FGD4: variants seen among roughly 807,000 people sequenced by gnomAD.
FGD4 encodes the protein FYVE, RhoGEF and PH domain-containing protein 4.
FGD4 carries 42 observed loss-of-function variants against 102.0 expected under a neutral mutation model. The ratio of observed to expected loss-of-function variants is 0.41; its 90% confidence interval spans 0.32 to 0.53. The LOEUF is 0.53. Ranked by LOEUF, FGD4 falls within the 20% of genes least tolerant of loss-of-function variation. The pLI is 0.21. For missense variants in FGD4, 902 were observed against 1,078.2 expected, an observed-to-expected ratio of 0.84 and a Z score of 2.29; for synonymous variants, 380 against 375.7, an observed-to-expected ratio of 1.01 and a Z score of -0.13.
chr12:32,473,899 A>G (rs1178234287), intron 1 of FGD4, among the ~76,000 whole-genome samples: 2 of 152,056 alleles, frequency 1.3e-5, no homozygotes, highest in Non-Finnish European at 2.9e-5. Flanking sequence ...CATCATGGCT[A>G]ACATGGTGAA....
chr12:32,452,143 CT>C (rs1942796880), intron 1 of FGD4, among the ~76,000 whole-genome samples: 1 of 152,100 alleles, frequency 6.6e-6, no homozygotes, highest in African/African-American at 2.4e-5. Context: ...TTTACATTTC[CT>C]TTTGTTAAGT....
rs553427541 is a variant in FGD4, at chr12:32,641,993, C to T, written c.*1460C>T. Reference sequence around the variant, plus strand: ...TCTGCTAGAAATCTACAAGAATGATCCCACTATCTTTAGTATGTAAGGATT... The same window carrying T: ...TCTGCTAGAAATCTACAAGAATGATTCCACTATCTTTAGTATGTAAGGATT... On this transcript the variant is annotated 3_prime_UTR_variant, in exon 17 of 17. Transcript: ENST00000534526. The T allele has an allele frequency of 6.6e-6, 1 of 152,226 alleles. No individual in the cohort carries two copies. Among genetic ancestry groups the T allele is most frequent in the African/African-American group, 2.4e-5 (1 of 41,550 alleles). 9.4% of individuals were successfully genotyped at this position (152,226 alleles called of 1,614,324 possible). A position where few individuals can be genotyped will look rare whatever the true frequency, so the allele number is the denominator to read the frequency against.
chr12:32,488,711 T>A (rs1389523002), intron 1 of FGD4, among the ~76,000 whole-genome samples: 1 of 151,550 alleles, frequency 6.6e-6, no homozygotes, highest in Non-Finnish European at 1.5e-5. Context: ...GAGGCCAAGG[T>A]GGGCGGATCA....
intron 14 of FGD4, 130 bp from the exon 15 acceptor site, chr12:32,633,419 A>T: frequency 1.1e-6 from 1 of 919,934 alleles, no homozygotes; most frequent in Non-Finnish European, 1.7e-6. Flanking sequence ...GTTTATAGGG[A>T]TGTTCCTTTT....
chr12:32,561,070 GTTTTGTTTTTT>G (rs1944519211), intron 1 of FGD4, among the ~76,000 whole-genome samples: 3 of 90,788 alleles, frequency 3.3e-5, no homozygotes, highest in African/African-American at 4.2e-5. Context: ...TCTTTGTTGG[GTTTTGTTTTTT>G]TTTTTTTTTT....
intron 1 of FGD4, among the ~76,000 whole-genome samples, chr12:32,472,027 A>G (rs933369248): frequency 6.6e-6 from 1 of 152,136 alleles, no homozygotes; most frequent in Non-Finnish European, 1.5e-5. Context: ...CAGCCCATAC[A>G]AGTCTCACTC....
chr12:32,554,613 G>A (rs1288631289), intron 1 of FGD4, among the ~76,000 whole-genome samples: 2 of 152,178 alleles, frequency 1.3e-5, no homozygotes, highest in African/African-American at 4.8e-5. Flanking sequence ...AGTAAATAAT[G>A]TAGTTTGTTA....
intron 1 of FGD4, among the ~76,000 whole-genome samples, chr12:32,552,501 C>T (rs4931634): frequency 6.9e-6 from 1 of 143,952 alleles, no homozygotes; most frequent in African/African-American, 2.5e-5. Flanking sequence ...AGGCTTCTCT[C>T]GAACTCCTGA....
chr12:32,551,214 G>A (rs551345616), intron 1 of FGD4, among the ~76,000 whole-genome samples: 2 of 152,318 alleles, frequency 1.3e-5, no homozygotes, highest in African/African-American at 4.8e-5. Flanking sequence ...GCAAATAGGA[G>A]CAGACAGGGC....
chr12:32,495,695 C>CAAAAAAAA lies in FGD4; in HGVS notation c.167-68432_167-68425dup, dbSNP rs766436638. ...TGGGCCACAGAGAGAGACTCTGTTT[C>CAAAAAAAA]AAAAAAAAAAAAAAAAAGAAGCTTT... On this transcript the variant is annotated intron_variant, in intron 1 of 16. Transcript: ENST00000534526. Among the ~76,000 whole-genome samples, 218 of 75,904 alleles carry CAAAAAAAA rather than the reference C, an allele frequency of 2.9e-3. 7 individuals carry two copies. Among genetic ancestry groups the CAAAAAAAA allele is most frequent in the African/African-American group, 8.5e-3 (158 of 18,562 alleles). The allele number at this position is 75,904 out of a possible 152,430, so 49.8% of individuals were successfully genotyped here. A position where few individuals can be genotyped will look rare whatever the true frequency, so the allele number is the denominator to read the frequency against.
At position 32,422,288 on chromosome 12, in the gene FGD4, C is replaced by CTTTTTTTTTTTTTTTTTTTTTTTTTTT. The variant is rs770560590; in HGVS notation, c.166+22331_166+22357dup. 4.6e-4 allele frequency among the ~76,000 whole-genome samples: 25 copies of CTTTTTTTTTTTTTTTTTTTTTTTTTTT among 54,174 alleles called. 3 individuals carry two copies. The highest frequency in any genetic ancestry group is 0.017 in the Middle Eastern group (1 of 58). 35.5% of individuals were successfully genotyped at this position (54,174 alleles called of 152,430 possible). A position where few individuals can be genotyped will look rare whatever the true frequency, so the allele number is the denominator to read the frequency against. ...TTGAAGCATCTCAAATTGGGAGCTG[C>CTTTTTTTTTTTTTTTTTTTTTTTTTTT]TTTTTTTTTTTTTTTTTTTTTTTTT... On this transcript the variant is annotated intron_variant, in intron 1 of 16. Transcript: ENST00000534526.
chr12:32,509,703 A>G (rs1411819744), intron 1 of FGD4, among the ~76,000 whole-genome samples: 2 of 152,172 alleles, frequency 1.3e-5, no homozygotes, highest in African/African-American at 4.8e-5. Context: ...GATGTATAGA[A>G]ACAACACAAA....
At chr12:32,535,829 C>CAGG (rs1942199748) in intron 1 of FGD4, among the ~76,000 whole-genome samples, 1 of 152,072 alleles carries the variant, frequency 6.6e-6, no homozygotes, top group Non-Finnish European at 1.5e-5. Context: ...ATTTCTAGAA[C>CAGG]AGGAAGATGA....
intron 1 of FGD4, among the ~76,000 whole-genome samples, chr12:32,423,969 C>G (rs1941743156): frequency 6.6e-6 from 1 of 151,704 alleles, no homozygotes; most frequent in South Asian, 2.1e-4. Context: ...AAGCTGAGAT[C>G]ATACTGTATT....
At chr12:32,520,910 C>T (rs560043658) in intron 1 of FGD4, among the ~76,000 whole-genome samples, 13 of 152,244 alleles carry the variant, frequency 8.5e-5, no homozygotes, top group Admixed American at 5.2e-4. Context: ...TCTTACCCTC[C>T]GCTCTGTACC....
chr12:32,558,462 G>C (rs1944289484), intron 1 of FGD4, among the ~76,000 whole-genome samples: 1 of 152,192 alleles, frequency 6.6e-6, no homozygotes, highest in Non-Finnish European at 1.5e-5. Context: ...GCTGTGATCT[G>C]AGCTCATGGA....
Position 32,624,468 on chromosome 12 carries a change from G to A in FGD4, c.1953+16G>A, listed in dbSNP as rs1228795615. On this transcript the variant is annotated intron_variant, in intron 12 of 16. Transcript: ENST00000534526. ...ATGGATCAAGGTAAGCCTCATTTCT[G>A]TTTCCTTTTCTTTCTTTTTTTTTTT... 1.3e-6 allele frequency: 2 copies of A among 1,582,270 alleles called. No homozygotes were observed. Among genetic ancestry groups the A allele is most frequent in the Non-Finnish European group, 8.6e-7 (1 of 1,164,468 alleles).
chr12:32,581,992 A>G lies in FGD4; in HGVS notation c.536A>G (p.Glu179Gly). ...TCAAATTATAGTGATTTGAAGAAAG[A>G]GTCTGCTGTGAACCTAAATGCTCCT... The part of the protein sequence containing the change: ...SLSNYSDLKK[E>G]SAVNLNAPRT... The change falls in exon 4 of 17, where the codon GAG becomes GGG. Residue 179 changes from glutamate (E) to glycine (G), a missense_variant. Glu to Gly is a moderately conservative substitution (Grantham distance 98). Coordinates refer to ENST00000534526, the MANE Select transcript of FGD4 (RefSeq NM_001370298.3). The G allele has an allele frequency of 2.5e-6, 4 of 1,614,234 alleles. No individual in the cohort carries two copies. Among genetic ancestry groups the G allele is most frequent in the Non-Finnish European group, 3.4e-6 (4 of 1,180,036 alleles).
intron 1 of FGD4, among the ~76,000 whole-genome samples, chr12:32,528,010 G>A (rs990188001): frequency 1.3e-5 from 2 of 151,222 alleles, no homozygotes; most frequent in East Asian, 1.9e-4. Flanking sequence ...TGTCACCCAC[G>A]CTGAAGTGCA....
Sources: allele counts gnomAD v4.1 joint callset (sites outside exome capture counted in the v4.1 genomes callset), GRCh38; gene constraint gnomAD v4.1.1; transcripts MANE v1.5; gene names NCBI Gene and HGNC (gene_info 2026-07-23, HGNC 2026-07-21).